Variants in ITCH observed in about 807,000 individuals in gnomAD.
ITCH encodes the protein itchy E3 ubiquitin protein ligase, also known as E3 ubiquitin-protein ligase Itchy homolog.
ITCH carries 28 observed loss-of-function variants against 126.8 expected under a neutral mutation model. That is an observed-to-expected ratio of 0.22 (90% CI 0.16 to 0.30). ITCH has a LOEUF of 0.30. Ranked by LOEUF, ITCH falls within the 10% of genes least tolerant of loss-of-function variation. The probability of loss-of-function intolerance (pLI) is 1.00; values close to 1 mark genes in which losing one functional copy is unlikely to be tolerated. For synonymous variants in ITCH, 342 were observed against 340.0 expected, an observed-to-expected ratio of 1.01 and a Z score of -0.06; for missense variants, 631 against 1,032.4, an observed-to-expected ratio of 0.61 and a Z score of 5.33.
intron 7 of ITCH, among the ~76,000 whole-genome samples, chr20:34,435,191 CAG>C (rs1254832013): frequency 1.3e-5 from 2 of 149,498 alleles, no homozygotes; most frequent in African/African-American, 2.4e-5. Context: ...TTTTTTGAGA[CAG>C]AGTCTTGCTC....
intron 6 of ITCH, among the ~76,000 whole-genome samples, chr20:34,417,801 G>C (rs1037418457): frequency 6.7e-6 from 1 of 149,954 alleles, no homozygotes; most frequent in Non-Finnish European, 1.5e-5. Flanking sequence ...TCTGCCAGAG[G>C]TTCTCATTCA....
rs192547733 is a variant in ITCH at position 34,445,188 on chromosome 20, C to A, written c.966-99C>A. ...ACTATTTAAAAATACATAAAAGACT[C>A]CAGATAAATCAAAAGTAGTTTCTCA... On this transcript the variant is annotated intron_variant, in intron 10 of 24. Coordinates refer to ENST00000374864, the MANE Select transcript of ITCH (RefSeq NM_031483.7). 641 of 1,257,276 alleles carry A rather than the reference C, an allele frequency of 5.1e-4. 5 individuals are homozygous for A. The highest frequency in any genetic ancestry group is 9.2e-5 in the Non-Finnish European group (82 of 893,004). 77.9% of individuals were successfully genotyped at this position (1,257,276 alleles called of 1,614,324 possible). A position where few individuals can be genotyped will look rare whatever the true frequency, so the allele number is the denominator to read the frequency against.
rs976321022 is a variant in ITCH, at chr20:34,440,016, C to T, written c.680-139C>T. 4.1e-5 allele frequency: 27 copies of T among 661,996 alleles called. No individual in the cohort carries two copies. The African/African-American group carries it at 4.7e-4, about 12-fold the overall frequency. The allele number at this position is 661,996 out of a possible 1,614,324, so 41.0% of individuals were successfully genotyped here. Reference sequence around the variant, plus strand: ...GTTGGTTATTTCCCATTACTTATTTCTTTAAGTAATTTTCACCTGTGCATC... The same window carrying T: ...GTTGGTTATTTCCCATTACTTATTTTTTTAAGTAATTTTCACCTGTGCATC... On this transcript the variant is annotated intron_variant, in intron 8 of 24. Transcript: ENST00000374864.
rs1978564803 is a variant in ITCH, at chr20:34,509,746, A to G, written c.*1952A>G. The G allele has an allele frequency of 1.3e-5, 2 of 152,666 alleles. No individual in the cohort carries two copies. Among genetic ancestry groups the G allele is most frequent in the South Asian group, 4.1e-4 (2 of 4,834 alleles). The allele number at this position is 152,666 out of a possible 1,614,324, so 9.5% of individuals were successfully genotyped here. ...TGTCTTACAGAGCGAATGTCTGCCAACTACCCGTTCATTATATAAGTCTGA... is the reference window on the plus strand; with the variant it reads ...TGTCTTACAGAGCGAATGTCTGCCAGCTACCCGTTCATTATATAAGTCTGA... On this transcript the variant is annotated 3_prime_UTR_variant, in exon 25 of 25. Coordinates refer to ENST00000374864, the MANE Select transcript of ITCH (RefSeq NM_031483.7).
chr20:34,394,292 G>A (rs1424075940), intron 3 of ITCH, among the ~76,000 whole-genome samples: 3 of 150,666 alleles, frequency 2.0e-5, no homozygotes, highest in Non-Finnish European at 2.9e-5. Flanking sequence ...AATATTTGCT[G>A]AATGAATGAA....
chr20:34,462,096 A>G lies in ITCH; in HGVS notation c.1299A>G (p.Gln433=), dbSNP rs1330053814. 1.7e-5 allele frequency: 27 copies of G among 1,613,676 alleles called. No homozygotes were observed. Among genetic ancestry groups the G allele is most frequent in the Non-Finnish European group, 2.3e-5 (27 of 1,179,818 alleles). ...TQWEDPRSQG[Q]LNEKPLPEGW... is the part of the protein sequence containing the mutation. The stretch of plus-strand genomic sequence containing the variant: ...TGTTTTTTCCTGTGTTTCGTAGTCA[A>G]TTAAATGAAAAGCCCTTACCTGAAG... The change falls in exon 14 of 25, where the codon CAA becomes CAG. Residue 433 remains glutamine, a synonymous_variant. Transcript: ENST00000374864.
chr20:34,424,550 A>T, intron 7 of ITCH, 25 bp downstream of exon 7: 2 of 1,586,902 alleles, frequency 1.3e-6, no homozygotes, highest in Non-Finnish European at 1.7e-6. Context: ...ATTGCTTACC[A>T]CAGAATGCGG....
intron 13 of ITCH, among the ~76,000 whole-genome samples, chr20:34,458,218 G>A (rs1986201159): frequency 6.6e-6 from 1 of 152,100 alleles, no homozygotes; most frequent in Admixed American, 6.6e-5. Flanking sequence ...GAATGCCTAG[G>A]AGTTTGCCAT....
chr20:34,479,836 C>A (rs771933881), intron 18 of ITCH, 47 bp downstream of exon 18: 2 of 1,539,864 alleles, frequency 1.3e-6, no homozygotes, highest in African/African-American at 1.4e-5. Context: ...TTCAGCAATA[C>A]TAAATTTTCT....
At position 34,481,057 on chromosome 20, in the gene ITCH, T is replaced by C; in HGVS notation, c.1953-9T>C. The C allele has an allele frequency of 6.2e-7, 1 of 1,613,358 alleles. No individual in the cohort carries two copies. The highest frequency in any genetic ancestry group is 8.5e-7 in the Non-Finnish European group (1 of 1,179,490). On this transcript the variant is annotated splice_polypyrimidine_tract_variant and intron_variant, in intron 19 of 24. Coordinates refer to ENST00000374864, the MANE Select transcript of ITCH (RefSeq NM_031483.7). Reference sequence around the variant, plus strand: ...GATATAACAAATAGTGCTAATTTCATTTGTGCAGGGAAAACAATATTGAGG... The same window carrying C: ...GATATAACAAATAGTGCTAATTTCACTTGTGCAGGGAAAACAATATTGAGG...
At chr20:34,435,741 T>C (rs1982928552) in intron 7 of ITCH, among the ~76,000 whole-genome samples, 1 of 152,102 alleles carries the variant, frequency 6.6e-6, no homozygotes, top group Non-Finnish European at 1.5e-5. Flanking sequence ...GTGGAAGAAT[T>C]TCTGGGAGGG....
chr20:34,504,107 C>G (rs961346325), intron 23 of ITCH, among the ~76,000 whole-genome samples: 1 of 151,986 alleles, frequency 6.6e-6, no homozygotes. Flanking sequence ...TCTTGAACTC[C>G]TGACCTCAAG....
At chr20:34,374,435 T>G (rs1470970840) in intron 2 of ITCH, among the ~76,000 whole-genome samples, 1 of 152,210 alleles carries the variant, frequency 6.6e-6, no homozygotes, top group Non-Finnish European at 1.5e-5. Context: ...GGAATAGTAA[T>G]AGCATATATA....
At position 34,366,466 on chromosome 20, in the gene ITCH, C is replaced by T. The variant is rs1393836141; in HGVS notation, c.-98-2928C>T. On this transcript the variant is annotated intron_variant, in intron 1 of 24. Transcript: ENST00000374864. Reference sequence around the variant, plus strand: ...GTCTTAACTCCTGTGTTCAAGTGGTCCTCCCACCTTGGCCTCCTAAAGTGT... The same window carrying T: ...GTCTTAACTCCTGTGTTCAAGTGGTTCTCCCACCTTGGCCTCCTAAAGTGT... Among the ~76,000 whole-genome samples, 4 of 152,072 alleles carry T rather than the reference C, an allele frequency of 2.6e-5. No individual in the cohort carries two copies. The East Asian group carries it at 5.8e-4, about 22-fold the overall frequency.
intron 23 of ITCH, among the ~76,000 whole-genome samples, chr20:34,493,025 C>T (rs148139697): frequency 0.016 from 2,388 of 152,326 alleles, 32 homozygotes; most frequent in Non-Finnish European, 0.02. Flanking sequence ...ATATCTTCAT[C>T]TTTTTATTTC....
intron 7 of ITCH, among the ~76,000 whole-genome samples, chr20:34,430,254 T>C (rs1160659012): frequency 6.6e-6 from 1 of 152,160 alleles, no homozygotes; most frequent in Non-Finnish European, 1.5e-5. Context: ...AGTGGGACAG[T>C]TGAACCTGGA....
At chr20:34,474,326 G>T (rs551043834) in intron 16 of ITCH, among the ~76,000 whole-genome samples, 1 of 152,330 alleles carries the variant, frequency 6.6e-6, no homozygotes, top group Non-Finnish European at 1.5e-5. Flanking sequence ...CGCAGTGTTT[G>T]TGTCCCTGGG....
rs1980035538 is a variant in ITCH at position 34,417,319 on chromosome 20, A to G, written c.475+3440A>G. ...TCCGTGTTGGCCAGGCTGGCTTTGAACTCCCGACCTCAGGTGATCCGCCTG... is the reference window on the plus strand; with the variant it reads ...TCCGTGTTGGCCAGGCTGGCTTTGAGCTCCCGACCTCAGGTGATCCGCCTG... On this transcript the variant is annotated intron_variant, in intron 6 of 24. Coordinates refer to ENST00000374864, the MANE Select transcript of ITCH (RefSeq NM_031483.7). The G allele has an allele frequency of 8.2e-5, 30 of 365,366 alleles. No individual in the cohort carries two copies. The South Asian group carries it at 8.6e-4, about 11-fold the overall frequency. The allele number at this position is 365,366 out of a possible 1,614,324, so 22.6% of individuals were successfully genotyped here. A position where few individuals can be genotyped will look rare whatever the true frequency, so the allele number is the denominator to read the frequency against.
chr20:34,435,752 G>T (rs1043574781), intron 7 of ITCH, among the ~76,000 whole-genome samples: 1 of 152,200 alleles, frequency 6.6e-6, no homozygotes, highest in African/African-American at 2.4e-5. Context: ...TCTGGGAGGG[G>T]AAGCAGTTGG....
Sources: gnomAD v4.1 joint callset for allele counts (sites outside exome capture counted in the v4.1 genomes callset) on GRCh38, gnomAD v4.1.1 for gene constraint, MANE v1.5 for transcripts, NCBI Gene and HGNC (gene_info 2026-07-23, HGNC 2026-07-21) for gene names.